PRICKLE2: variants seen among roughly 807,000 people sequenced by gnomAD.
PRICKLE2 encodes prickle-like protein 2.
PRICKLE2 carries 21 observed loss-of-function variants against 81.4 expected under a neutral mutation model. That is an observed-to-expected ratio of 0.26 (90% CI 0.18 to 0.37). The LOEUF is 0.37. Among genes scored for constraint, PRICKLE2 ranks in the 10% least tolerant of loss-of-function variants. The pLI is 1.00. For synonymous variants in PRICKLE2, 456 were observed against 421.5 expected (o/e 1.08, Z -1.00); for missense variants, 940 against 1,109.0 (o/e 0.85, Z 2.16).
At chr3:64,213,389 T>A (rs1360933310) in intron 1 of PRICKLE2, among the ~76,000 whole-genome samples, 1 of 152,194 alleles carries the variant, frequency 6.6e-6, no homozygotes, top group African/African-American at 2.4e-5. Context: ...ATGACTTTCT[T>A]TTCATACCAA....
At chr3:64,115,089 C>A (rs998373221) in intron 7 of PRICKLE2, among the ~76,000 whole-genome samples, 7 of 152,136 alleles carry the variant, frequency 4.6e-5, no homozygotes, top group African/African-American at 1.7e-4. Context: ...AATTTCATAT[C>A]CGGCCAAACT....
chr3:64,104,045 T>C (rs971277107), intron 7 of PRICKLE2, among the ~76,000 whole-genome samples: 1 of 152,242 alleles, frequency 6.6e-6, no homozygotes, highest in East Asian at 1.9e-4. Context: ...AATTTTAACA[T>C]TGGATATGCC....
intron 2 of PRICKLE2, among the ~76,000 whole-genome samples, chr3:64,167,867 G>C (rs1002889409): frequency 2.6e-5 from 4 of 152,194 alleles, no homozygotes; most frequent in African/African-American, 7.2e-5. Context: ...TTGCATTTCT[G>C]ACTCCTCTTC....
At position 64,094,146 on chromosome 3, in the gene PRICKLE2, G is replaced by A. The variant is rs374957460; in HGVS notation, c.*4905C>T. 6.6e-6 allele frequency: 1 copy of A among 152,236 alleles called. No homozygotes were observed. The highest frequency in any genetic ancestry group is 1.9e-4 in the East Asian group (1 of 5,190). The allele number at this position is 152,236 out of a possible 1,614,324, so 9.4% of individuals were successfully genotyped here. A position where few individuals can be genotyped will look rare whatever the true frequency, so the allele number is the denominator to read the frequency against. ...GGACAAAGCAATCCTGTGGAGGAAA[G>A]AATGAGTTTAGGAGAGGAAAACCTG... On this transcript the variant is annotated 3_prime_UTR_variant, in exon 8 of 8. Coordinates refer to ENST00000638394, the MANE Select transcript of PRICKLE2 (RefSeq NM_198859.4).
At chr3:64,127,955 G>C (rs1262876678) in intron 7 of PRICKLE2, among the ~76,000 whole-genome samples, 2 of 152,060 alleles carry the variant, frequency 1.3e-5, no homozygotes, top group Non-Finnish European at 2.9e-5. Context: ...AGAGAGTGGG[G>C]CTTGAGCAGG....
intron 2 of PRICKLE2, among the ~76,000 whole-genome samples, chr3:64,258,480 T>C (rs1362350115): frequency 1.3e-5 from 2 of 152,110 alleles, no homozygotes; most frequent in East Asian, 1.9e-4. Context: ...GTACATATTG[T>C]ATAATTCCCT....
chr3:64,252,430 T>C (rs888275522), intron 2 of PRICKLE2, among the ~76,000 whole-genome samples: 5 of 152,092 alleles, frequency 3.3e-5, no homozygotes, highest in Non-Finnish European at 7.4e-5. Flanking sequence ...TGGAGAAAAT[T>C]GAACATAAAA....
intron 2 of PRICKLE2, among the ~76,000 whole-genome samples, chr3:64,182,305 G>C (rs2078149611): frequency 1.3e-5 from 2 of 152,164 alleles, no homozygotes; most frequent in East Asian, 3.9e-4. Flanking sequence ...TGGGCAACAA[G>C]GTGAAACCCT....
upstream of PRICKLE2, among the ~76,000 whole-genome samples, chr3:64,228,820 G>A (rs2079063903): frequency 6.6e-6 from 1 of 152,058 alleles, no homozygotes; most frequent in South Asian, 2.1e-4. Context: ...TTTCTGTTTA[G>A]GTAGAATGAT....
intron 2 of PRICKLE2, among the ~76,000 whole-genome samples, chr3:64,263,533 G>T (rs2079646508): frequency 2.0e-5 from 3 of 152,130 alleles, no homozygotes; most frequent in Admixed American, 2.0e-4. Context: ...CTTTCCACAG[G>T]ATTACACTCA....
At chr3:64,252,977 G>T (rs2079471564) in intron 2 of PRICKLE2, among the ~76,000 whole-genome samples, 1 of 152,148 alleles carries the variant, frequency 6.6e-6, no homozygotes, top group Non-Finnish European at 1.5e-5. Context: ...GTCATAATTT[G>T]CATACCATTG....
intron 7 of PRICKLE2, among the ~76,000 whole-genome samples, chr3:64,116,624 C>T (rs1039473410): frequency 6.6e-6 from 1 of 152,140 alleles, no homozygotes; most frequent in African/African-American, 2.4e-5. Flanking sequence ...TGGACACATA[C>T]ACCCTTCCAA....
intron 2 of PRICKLE2, among the ~76,000 whole-genome samples, chr3:64,264,784 CT>C (rs1378643073): frequency 9.2e-5 from 14 of 152,266 alleles, no homozygotes; most frequent in Admixed American, 6.5e-4. Context: ...AAGAAGCAAC[CT>C]TTGAAAGATG....
intron 7 of PRICKLE2, among the ~76,000 whole-genome samples, chr3:64,121,009 G>C (rs704381): frequency 0.55 from 83,906 of 152,048 alleles, 23,194 homozygotes; most frequent in Middle Eastern, 0.64. Flanking sequence ...TCCTGCTCTT[G>C]GTCTCCAATC....
intron 7 of PRICKLE2, among the ~76,000 whole-genome samples, chr3:64,116,574 G>A (rs186075879): frequency 6.2e-4 from 94 of 152,288 alleles, no homozygotes; most frequent in African/African-American, 2.2e-3. Context: ...ACACCTCTAT[G>A]TACATAAACT....
intron 5 of PRICKLE2, among the ~76,000 whole-genome samples, chr3:64,156,782 G>C (rs543355701): frequency 6.6e-6 from 1 of 152,274 alleles, no homozygotes; most frequent in South Asian, 2.1e-4. Flanking sequence ...ACAATTTTAA[G>C]ATATAAGTGG....
At chr3:64,127,464 A>C (rs928451582) in intron 7 of PRICKLE2, among the ~76,000 whole-genome samples, 3 of 152,136 alleles carry the variant, frequency 2.0e-5, no homozygotes, top group Non-Finnish European at 4.4e-5. Flanking sequence ...GGGCAATTTT[A>C]CATATCCAAC....
At chr3:64,195,923 G>A (rs1003257048) in intron 2 of PRICKLE2, among the ~76,000 whole-genome samples, 1 of 152,074 alleles carries the variant, frequency 6.6e-6, no homozygotes, top group Non-Finnish European at 1.5e-5. Flanking sequence ...TAGGAAATAG[G>A]GAAAACCATC....
chr3:64,260,647 C>A (rs1240342596), intron 2 of PRICKLE2, among the ~76,000 whole-genome samples: 2 of 152,220 alleles, frequency 1.3e-5, no homozygotes, highest in African/African-American at 4.8e-5. Context: ...CGGGGAAGGA[C>A]ATCCTCTTCC....
Sources: allele counts gnomAD v4.1 joint callset (sites outside exome capture counted in the v4.1 genomes callset), GRCh38; gene constraint gnomAD v4.1.1; transcripts MANE v1.5; gene names NCBI Gene and HGNC (gene_info 2026-07-23, HGNC 2026-07-21).